The following KIAA1549L variants were observed in gnomAD, a reference collection of about 807,000 sequenced individuals.
KIAA1549L encodes UPF0606 protein KIAA1549L.
Under a neutral mutation model 160.7 loss-of-function variants are expected in KIAA1549L, and 88 were observed. The observed-to-expected ratio is 0.55, with a 90% CI of 0.46 to 0.65. KIAA1549L has a LOEUF of 0.65. Among genes scored for constraint, KIAA1549L ranks in the 30% least tolerant of loss-of-function variants. KIAA1549L has a pLI of 0.00. For missense variants in KIAA1549L, 2,258 were observed against 2,437.5 expected (o/e 0.93, Z 1.55); for synonymous variants, 950 against 976.7 (o/e 0.97, Z 0.51).
chr11:33,418,187 G>T (rs1225531401), intron 1 of KIAA1549L, among the ~76,000 whole-genome samples: 1 of 152,186 alleles, frequency 6.6e-6, no homozygotes. Flanking sequence ...ACCAATGAGG[G>T]CAGGGTCTTA....
At chr11:33,667,045 C>G (rs549651055) in intron 20 of KIAA1549L, among the ~76,000 whole-genome samples, 2 of 152,278 alleles carry the variant, frequency 1.3e-5, no homozygotes, top group Admixed American at 6.5e-5. Flanking sequence ...AATAAGGTAA[C>G]TAAGTGCTGG....
At chr11:33,531,658 G>C (rs543578692) in intron 1 of KIAA1549L, among the ~76,000 whole-genome samples, 1 of 152,256 alleles carries the variant, frequency 6.6e-6, no homozygotes, top group African/African-American at 2.4e-5. Flanking sequence ...TCACTTCAAG[G>C]CATGGCAATT....
chr11:33,662,615 A>T (rs1310900007), intron 20 of KIAA1549L, among the ~76,000 whole-genome samples: 2 of 152,210 alleles, frequency 1.3e-5, no homozygotes, highest in Non-Finnish European at 2.9e-5. Context: ...CAGAAAGTAG[A>T]TGATGTTTAA....
chr11:33,435,757 A>AAGAGAT (rs202078714), intron 1 of KIAA1549L, among the ~76,000 whole-genome samples: 2 of 46,452 alleles, frequency 4.3e-5, no homozygotes, highest in Non-Finnish European at 7.8e-5. Context: ...CAGAACCAAT[A>AAGAGAT]AGATATATAT....
intron 1 of KIAA1549L, among the ~76,000 whole-genome samples, chr11:33,502,825 C>G (rs1852982978): frequency 6.6e-6 from 1 of 152,140 alleles, no homozygotes. Context: ...CTTTTGCCAC[C>G]TTGTTTCTTA....
chr11:33,614,571 TATATATATATA>T (rs1850751756), intron 15 of KIAA1549L, among the ~76,000 whole-genome samples: 3 of 20,650 alleles, frequency 1.5e-4, no homozygotes, highest in South Asian at 1.6e-3. Context: ...TATATATATA[TATATATATATA>T]TATTTTTTTT....
At chr11:33,434,448 T>G (rs959548835) in intron 1 of KIAA1549L, among the ~76,000 whole-genome samples, 1 of 152,204 alleles carries the variant, frequency 6.6e-6, no homozygotes. Flanking sequence ...TTATTAGCAG[T>G]GTGAGAACAG....
intron 13 of KIAA1549L, among the ~76,000 whole-genome samples, chr11:33,602,875 A>G (rs1056888434): frequency 6.6e-6 from 1 of 152,370 alleles, no homozygotes; most frequent in Middle Eastern, 3.4e-3. Context: ...GAGGAATTGT[A>G]CAAATCTGAA....
chr11:33,623,007 G>C (rs528587703), intron 16 of KIAA1549L, among the ~76,000 whole-genome samples: 1 of 152,218 alleles, frequency 6.6e-6, no homozygotes, highest in Non-Finnish European at 1.5e-5. Context: ...AGTTGCACTT[G>C]CAGAACAATG....
Position 33,376,775 on chromosome 11 carries a change from G to A in KIAA1549L, c.124G>A (p.Gly42Ser), listed in dbSNP as rs755418834. Residue 42 changes from glycine (G) to serine (S), a missense_variant, in exon 1 of 21, where the codon GGT (glycine) becomes AGT (serine). By Grantham distance (56) the Gly-to-Ser change is moderately conservative. Coordinates refer to ENST00000658780, the MANE Select transcript of KIAA1549L (RefSeq NM_012194.3). This position sits in a 1 kb window ranked among gnomAD's most constrained non-coding sequence, Gnocchi z 5.8. ...TGCCTGGGGAGCCGCGCGCTGCACG[G>A]GTGTGAGGGGCCCCGGGGCCGGCGC... Reference protein sequence around the residue: ...RAAWGAARCTGVRGPGAGASH... With the variant: ...RAAWGAARCTSVRGPGAGASH... The A allele has an allele frequency of 6.6e-6, 1 of 151,796 alleles. No homozygotes were observed. Among genetic ancestry groups the A allele is most frequent in the Non-Finnish European group, 1.5e-5 (1 of 68,030 alleles). The allele number at this position is 151,796 out of a possible 1,614,324, so 9.4% of individuals were successfully genotyped here.
chr11:33,558,493 C>T (rs906226992), intron 6 of KIAA1549L, among the ~76,000 whole-genome samples: 1 of 152,106 alleles, frequency 6.6e-6, no homozygotes, highest in Admixed American at 6.5e-5. Flanking sequence ...CAAGGATCTG[C>T]CTCCAGGGGC....
rs1252620551 is a variant in KIAA1549L, at chr11:33,670,214, G to GTACTT, written c.*2062_*2066dup. 2 of 152,194 alleles carry GTACTT rather than the reference G, an allele frequency of 1.3e-5. No homozygotes were observed. The highest frequency in any genetic ancestry group is 4.8e-5 in the African/African-American group (2 of 41,454). The allele number at this position is 152,194 out of a possible 1,614,324, so 9.4% of individuals were successfully genotyped here. ...TTCATTAGTGCAATGATATCAACCAGTACTTTGTCTACTTGGTAAATGCCT... is the reference window on the plus strand; with the variant it reads ...TTCATTAGTGCAATGATATCAACCAGTACTTTACTTTGTCTACTTGGTAAATGCCT... On this transcript the variant is annotated 3_prime_UTR_variant, in exon 21 of 21. Coordinates refer to ENST00000658780, the MANE Select transcript of KIAA1549L (RefSeq NM_012194.3).
intron 1 of KIAA1549L, among the ~76,000 whole-genome samples, chr11:33,378,301 A>G (rs918969298): frequency 2.0e-5 from 3 of 152,302 alleles, no homozygotes; most frequent in East Asian, 3.9e-4. Context: ...ACTGGCTTTC[A>G]TGTGTTGTTC....
At chr11:33,631,601 G>A (rs150121961) in intron 16 of KIAA1549L, among the ~76,000 whole-genome samples, 3,029 of 152,248 alleles carry the variant, frequency 0.02, 119 homozygotes, top group African/African-American at 0.069. Flanking sequence ...GATGTCCCCT[G>A]GTGGTCAAAC....
At position 33,461,418 on chromosome 11, in the gene KIAA1549L, C is replaced by T. The variant is rs192901575; in HGVS notation, c.239-80384C>T. 2.6e-3 allele frequency among the ~76,000 whole-genome samples: 395 copies of T among 152,250 alleles called. 6 individuals carry two copies. The highest frequency in any genetic ancestry group is 6.5e-4 in the Non-Finnish European group (44 of 68,004). On this transcript the variant is annotated intron_variant, in intron 1 of 20. Transcript: ENST00000658780. Reference sequence around the variant, plus strand: ...CACAGGTGAGTGCTGAGCTGGGATTCGAGAAAATGCCTGACTCTGAAGTTT... The same window carrying T: ...CACAGGTGAGTGCTGAGCTGGGATTTGAGAAAATGCCTGACTCTGAAGTTT...
chr11:33,513,995 C>G (rs998958854), intron 1 of KIAA1549L, among the ~76,000 whole-genome samples: 2 of 152,186 alleles, frequency 1.3e-5, no homozygotes, highest in Non-Finnish European at 2.9e-5. Flanking sequence ...GGAGAAGCAG[C>G]TGTCTAAGGA....
rs1305275492 is a variant in KIAA1549L at position 33,419,862 on chromosome 11, A to C, written c.238+42973A>C. Among the ~76,000 whole-genome samples, 5 of 53,904 alleles carry C rather than the reference A, an allele frequency of 9.3e-5. No individual in the cohort carries two copies. In the East Asian group the frequency reaches 2.7e-3, roughly 29 times the overall value. The allele number at this position is 53,904 out of a possible 152,430, so 35.4% of individuals were successfully genotyped here. A position where few individuals can be genotyped will look rare whatever the true frequency, so the allele number is the denominator to read the frequency against. ...ACTGTCTTTAAAAAAAATGTTATAC[A>C]TACATACATACATACATACATACAT... is the stretch of plus-strand genomic sequence containing the variant. On this transcript the variant is annotated intron_variant, in intron 1 of 20. Coordinates refer to ENST00000658780, the MANE Select transcript of KIAA1549L (RefSeq NM_012194.3).
chr11:33,490,300 T>C (rs1444470166), intron 1 of KIAA1549L, among the ~76,000 whole-genome samples: 16 of 151,812 alleles, frequency 1.1e-4, no homozygotes, highest in African/African-American at 3.6e-4. Flanking sequence ...AGTATGGAAG[T>C]TGACAGAACT....
chr11:33,379,680 T>C (rs72919343), intron 1 of KIAA1549L, among the ~76,000 whole-genome samples: 11,071 of 152,294 alleles, frequency 0.073, 481 homozygotes, highest in South Asian at 0.13. Context: ...AATGTGACTG[T>C]CTGGGTCTCA....
Sources: gnomAD v4.1 joint callset for allele counts (sites outside exome capture counted in the v4.1 genomes callset) on GRCh38, gnomAD v4.1.1 for gene constraint, Gnocchi (gnomAD v3.1) non-coding constraint, MANE v1.5 for transcripts, NCBI Gene and HGNC (gene_info 2026-07-23, HGNC 2026-07-21) for gene names.